The following RAP1GAP2 variants were observed in gnomAD, a reference collection of about 807,000 sequenced individuals.
The protein encoded by RAP1GAP2 is RAP1 GTPase activating protein 2.
In RAP1GAP2, 27 loss-of-function variants were observed where a neutral mutation model predicts 95.0. That is an observed-to-expected ratio of 0.28 (90% confidence interval 0.21 to 0.39). The LOEUF is 0.39. Ranked by LOEUF, RAP1GAP2 falls within the 10% of genes least tolerant of loss-of-function variation. The probability of loss-of-function intolerance (pLI) is 1.00; values close to 1 mark genes in which losing one functional copy is unlikely to be tolerated. For missense variants in RAP1GAP2, 771 were observed against 970.0 expected, an observed-to-expected ratio of 0.79 and a Z score of 2.72; for synonymous variants, 373 against 380.9, an observed-to-expected ratio of 0.98 and a Z score of 0.24.
chr17:3,037,631 CATTGT>C lies in RAP1GAP2; in HGVS notation c.*4274_*4278del, dbSNP rs1456706713. 2 of 152,426 alleles carry C rather than the reference CATTGT, an allele frequency of 1.3e-5. No homozygotes were observed. The highest frequency in any genetic ancestry group is 4.8e-5 in the African/African-American group (2 of 41,388). 9.4% of individuals were successfully genotyped at this position (152,426 alleles called of 1,614,324 possible). The stretch of plus-strand genomic sequence containing the variant: ...CATTTAATTTATTGCTATGGTAGCA[CATTGT>C]ATTTGTTAATGTACAAAACAAATTC... On this transcript the variant is annotated 3_prime_UTR_variant, in exon 25 of 25. Transcript: ENST00000254695.
rs992226897 is a variant in RAP1GAP2 at position 2,980,380 on chromosome 17, C to A, written c.675+15C>A. The A allele has an allele frequency of 1.2e-6, 2 of 1,612,850 alleles. No homozygotes were observed. The highest frequency in any genetic ancestry group is 1.7e-5 in the Admixed American group (1 of 60,022). On this transcript the variant is annotated intron_variant, in intron 9 of 24. Transcript: ENST00000254695. Reference sequence around the variant, plus strand: ...AGATTGCAAAGGTGAGAAACCAACCCGTGAGAGATGGTGGCTTCCTCTCTC... The same window carrying A: ...AGATTGCAAAGGTGAGAAACCAACCAGTGAGAGATGGTGGCTTCCTCTCTC...
chr17:2,783,595 CA>C (rs2068706776), intron 1 of RAP1GAP2, among the ~76,000 whole-genome samples: 1 of 152,228 alleles, frequency 6.6e-6, no homozygotes, highest in African/African-American at 2.4e-5. Flanking sequence ...TTGCTTGGTT[CA>C]AATTCTGGTC....
rs545458015 is a variant in RAP1GAP2 at position 2,983,311 on chromosome 17, G to A, written c.730-1672G>A. On this transcript the variant is annotated intron_variant, in intron 10 of 24. Coordinates refer to ENST00000254695, the MANE Select transcript of RAP1GAP2 (RefSeq NM_015085.5). ...GCAAAGTGACCAGAAAGTGTGCCAC[G>A]GTAATTGACCAGCCTCTGAGATTGA... 3.7e-4 allele frequency among the ~76,000 whole-genome samples: 56 copies of A among 152,020 alleles called. 1 individual carries two copies. The highest frequency in any genetic ancestry group is 1.3e-3 in the African/African-American group (55 of 41,436).
At chr17:2,931,373 G>A (rs1423587424) in intron 3 of RAP1GAP2, among the ~76,000 whole-genome samples, 2 of 151,888 alleles carry the variant, frequency 1.3e-5, no homozygotes, top group Non-Finnish European at 1.5e-5. Flanking sequence ...TGTTTTGGAT[G>A]TCTGTTTGGG....
Position 2,962,679 on chromosome 17 carries a change from C to A in RAP1GAP2, c.211C>A (p.Leu71Ile). 6.3e-7 allele frequency: 1 copy of A among 1,593,584 alleles called. No individual in the cohort carries two copies. Among genetic ancestry groups the A allele is most frequent in the Non-Finnish European group, 8.5e-7 (1 of 1,171,370 alleles). Residue 71 changes from leucine to isoleucine, a missense_variant, in exon 5 of 25, where the codon CTT becomes ATT. By Grantham distance (5) the Leu-to-Ile change is conservative. Coordinates refer to ENST00000254695, the MANE Select transcript of RAP1GAP2 (RefSeq NM_015085.5). Reference sequence around the variant, plus strand: ...TTCCTTGTTTCTATAGGGGATCAAGCTTGAAGAGCAGAAGCCGGGACCCCA... The same window carrying A: ...TTCCTTGTTTCTATAGGGGATCAAGATTGAAGAGCAGAAGCCGGGACCCCA... ...EMLEKMQGIK[L>I]EEQKPGPQKN...
At chr17:2,800,361 C>A in intron 1 of RAP1GAP2, 154 bp from the exon 2 acceptor site, 1 of 747,866 alleles carries the variant, frequency 1.3e-6, no homozygotes, top group Non-Finnish European at 1.6e-6. Flanking sequence ...AGGCGTCTCT[C>A]CCCCTGCTAG....
intron 3 of RAP1GAP2, among the ~76,000 whole-genome samples, chr17:2,912,136 G>A (rs1316215563): frequency 6.6e-6 from 1 of 152,234 alleles, no homozygotes; most frequent in Admixed American, 6.5e-5. Flanking sequence ...CCGCCTCTAT[G>A]GTAGGTAAGG....
chr17:2,895,883 T>C lies in RAP1GAP2; in HGVS notation c.81-9401T>C, dbSNP rs146473166. ...GTGAGCCACCGCGCCCGGCCTGCCC[T>C]CCCCTTTTGCCAGCCTGCTGTGCCC... On this transcript the variant is annotated intron_variant, in intron 2 of 24. Transcript: ENST00000254695. Among the ~76,000 whole-genome samples the C allele has an allele frequency of 8.7e-3, 1,320 of 152,176 alleles. 18 individuals are homozygous for C. The highest frequency in any genetic ancestry group is 0.014 in the Non-Finnish European group (949 of 67,996).
At position 2,825,645 on chromosome 17, in the gene RAP1GAP2, TCA is replaced by T. The variant is rs2070515565; in HGVS notation, c.80+25098_80+25099del. ...AGTGAAGATAAGGAGCGTCCCTGTCTCACAGGGATGTTTGAGGATGAAATGAG... is the reference window on the plus strand; with the variant it reads ...AGTGAAGATAAGGAGCGTCCCTGTCTCAGGGATGTTTGAGGATGAAATGAG... On this transcript the variant is annotated intron_variant, in intron 2 of 24. Coordinates refer to ENST00000254695, the MANE Select transcript of RAP1GAP2 (RefSeq NM_015085.5). This position sits in a 1 kb window ranked among gnomAD's most constrained non-coding sequence, Gnocchi z 4.1. 6.6e-6 allele frequency among the ~76,000 whole-genome samples: 1 copy of T among 152,064 alleles called. No homozygotes were observed. Among genetic ancestry groups the T allele is most frequent in the African/African-American group, 2.4e-5 (1 of 41,428 alleles).
intron 19 of RAP1GAP2, 49 bp downstream of exon 19, chr17:3,020,644 A>G (rs1161671346): frequency 1.3e-6 from 2 of 1,501,584 alleles, no homozygotes; most frequent in African/African-American, 1.4e-5. Context: ...GGGTCTGTCA[A>G]CCCCCTCCAC....
intron 3 of RAP1GAP2, among the ~76,000 whole-genome samples, chr17:2,932,843 A>AAAG (rs1567793573): frequency 7.5e-4 from 6 of 8,050 alleles, no homozygotes; most frequent in African/African-American, 2.5e-3. Context: ...AAAAAAAAAA[A>AAAG]GAGCAGGGAC....
intron 1 of RAP1GAP2, among the ~76,000 whole-genome samples, chr17:2,786,184 A>G (rs2151455879): frequency 6.6e-6 from 1 of 152,264 alleles, no homozygotes; most frequent in African/African-American, 2.4e-5. Context: ...TACAGGCGTG[A>G]GCCACCGCGC....
At chr17:2,878,951 A>G (rs1044981787) in intron 2 of RAP1GAP2, among the ~76,000 whole-genome samples, 1 of 152,100 alleles carries the variant, frequency 6.6e-6, no homozygotes, top group African/African-American at 2.4e-5. Context: ...GATCAGTGAG[A>G]TGGGGTGTGT....
rs761440260 is a variant in RAP1GAP2, at chr17:2,825,023, C to T, written c.80+24473C>T. On this transcript the variant is annotated intron_variant, in intron 2 of 24. Transcript: ENST00000254695. This position sits in a 1 kb window ranked among gnomAD's most constrained non-coding sequence, Gnocchi z 4.1. ...GCAGTGGCATAATTGTGGCTCACTGCAGCCTTGAACTCATGGCACAAGCAA... is the reference window on the plus strand; with the variant it reads ...GCAGTGGCATAATTGTGGCTCACTGTAGCCTTGAACTCATGGCACAAGCAA... Among the ~76,000 whole-genome samples the T allele has an allele frequency of 3.9e-5, 6 of 152,128 alleles. No individual in the cohort carries two copies. Among genetic ancestry groups the T allele is most frequent in the Non-Finnish European group, 7.3e-5 (5 of 68,042 alleles).
At chr17:2,824,947 C>T (rs1318887495) in intron 2 of RAP1GAP2, among the ~76,000 whole-genome samples, 2 of 151,954 alleles carry the variant, frequency 1.3e-5, no homozygotes, top group African/African-American at 4.8e-5. Flanking sequence ...CCTCCCTGCA[C>T]CACTTCCTCT....
At chr17:2,843,548 A>G (rs1002099194) in intron 2 of RAP1GAP2, among the ~76,000 whole-genome samples, 1 of 151,908 alleles carries the variant, frequency 6.6e-6, no homozygotes, top group Non-Finnish European at 1.5e-5. Context: ...CAGCCTCCCA[A>G]AGTGCTGGGA....
intron 1 of RAP1GAP2, among the ~76,000 whole-genome samples, chr17:2,777,891 C>CCT (rs2068540345): frequency 6.6e-6 from 1 of 152,004 alleles, no homozygotes. Flanking sequence ...GGCGCTTTGC[C>CCT]CTCCCCCTTC....
intron 3 of RAP1GAP2, among the ~76,000 whole-genome samples, chr17:2,942,999 C>G (rs944929577): frequency 2.0e-5 from 3 of 151,996 alleles, no homozygotes; most frequent in African/African-American, 4.8e-5. Context: ...GAACTCCTGA[C>G]CTCAAGTGAT....
chr17:3,029,298 T>C lies in RAP1GAP2; in HGVS notation c.2108-1624T>C, dbSNP rs2047219837. ...GGGCGGAAGGGACCTGGAGCGGGTC[T>C]GGTGACTTATGGCCGGTGCTTCCCA... On this transcript the variant is annotated intron_variant, in intron 22 of 24. Transcript: ENST00000254695. This position sits in a 1 kb window ranked among gnomAD's most constrained non-coding sequence, Gnocchi z 4.4. Among the ~76,000 whole-genome samples, 1 of 152,198 alleles carries C rather than the reference T, an allele frequency of 6.6e-6. No individual in the cohort carries two copies.
Sources: allele counts gnomAD v4.1 joint callset (sites outside exome capture counted in the v4.1 genomes callset), GRCh38; gene constraint gnomAD v4.1.1; non-coding constraint Gnocchi (gnomAD v3.1); transcripts MANE v1.5; gene names NCBI Gene and HGNC (gene_info 2026-07-23, HGNC 2026-07-21).